MTURN: variants seen among roughly 807,000 people sequenced by gnomAD.
The protein encoded by MTURN is maturin, neural progenitor differentiation regulator homolog.
MTURN carries 7 observed loss-of-function variants against 14.9 expected under a neutral mutation model. That is an observed-to-expected ratio of 0.47 (90% CI 0.27 to 0.88). MTURN has a LOEUF of 0.88. Among genes scored for constraint, MTURN ranks in the 40% least tolerant of loss-of-function variants. MTURN has a pLI of 0.14. For synonymous variants in MTURN, 69 were observed against 72.5 expected (o/e 0.95, Z 0.25); for missense variants, 151 against 174.1 (o/e 0.87, Z 0.75).
Position 30,155,908 on chromosome 7 carries a change from A to G in MTURN, c.286-1530A>G, listed in dbSNP as rs958861854. Among the ~76,000 whole-genome samples the G allele has an allele frequency of 2.4e-4, 36 of 152,192 alleles. 1 individual carries two copies. Among genetic ancestry groups the G allele is most frequent in the Non-Finnish European group, 1.0e-4 (7 of 68,030 alleles). On this transcript the variant is annotated intron_variant, in intron 2 of 2. Coordinates refer to ENST00000324453, the MANE Select transcript of MTURN (RefSeq NM_152793.3). Reference sequence around the variant, plus strand: ...GGCAGGACACCAGGGAGGCAATGCAATTGAACAGAATGGTCAGTCTTCTTT... The same window carrying G: ...GGCAGGACACCAGGGAGGCAATGCAGTTGAACAGAATGGTCAGTCTTCTTT...
rs2128034583 is a variant in MTURN, at chr7:30,157,802, T to A, written c.*254T>A. The stretch of plus-strand genomic sequence containing the variant: ...TCTTGGTAGCCTTTGCCATTTTGAA[T>A]TTAGAGTCCATTTTGTGGCTGACTA... On this transcript the variant is annotated 3_prime_UTR_variant, in exon 3 of 3. Coordinates refer to ENST00000324453, the MANE Select transcript of MTURN (RefSeq NM_152793.3). 4.3e-6 allele frequency: 1 copy of A among 233,954 alleles called. No individual in the cohort carries two copies. Among genetic ancestry groups the A allele is most frequent in the Middle Eastern group, 1.3e-3 (1 of 772 alleles). The allele number at this position is 233,954 out of a possible 1,614,324, so 14.5% of individuals were successfully genotyped here. A position where few individuals can be genotyped will look rare whatever the true frequency, so the allele number is the denominator to read the frequency against.
rs1213919021 is a variant in MTURN, at chr7:30,158,923, A to C, written c.*1375A>C. The stretch of plus-strand genomic sequence containing the variant: ...TGCCTGTTAGGTTGTGAAAGTTTTG[A>C]ATTAAAAACAAGCAGTAGCAGCAGA... On this transcript the variant is annotated 3_prime_UTR_variant, in exon 3 of 3. Transcript: ENST00000324453. 1 of 152,132 alleles carries C rather than the reference A, an allele frequency of 6.6e-6. No homozygotes were observed. The highest frequency in any genetic ancestry group is 2.4e-5 in the African/African-American group (1 of 41,408). 9.4% of individuals were successfully genotyped at this position (152,132 alleles called of 1,614,324 possible). A position where few individuals can be genotyped will look rare whatever the true frequency, so the allele number is the denominator to read the frequency against.
At chr7:30,136,412 G>C (rs920462260) in intron 1 of MTURN, among the ~76,000 whole-genome samples, 2 of 152,204 alleles carry the variant, frequency 1.3e-5, no homozygotes, top group Non-Finnish European at 2.9e-5. Context: ...CCGTGGGCGC[G>C]GGTGACCGTG....
intron 1 of MTURN, chr7:30,137,474 A>G (rs1382986753): frequency 5.0e-6 from 2 of 399,066 alleles, no homozygotes; most frequent in Non-Finnish European, 1.0e-5. Flanking sequence ...TCTTGAGGCC[A>G]CCCAGATTTT....
intron 2 of MTURN, among the ~76,000 whole-genome samples, chr7:30,149,828 G>A (rs903460350): frequency 3.3e-5 from 5 of 152,092 alleles, no homozygotes; most frequent in Non-Finnish European, 4.4e-5. Context: ...TTTGTTTATC[G>A]TGGGCCAGCC....
intron 2 of MTURN, among the ~76,000 whole-genome samples, chr7:30,153,630 C>CACG (rs1191508597): frequency 6.6e-6 from 1 of 152,188 alleles, no homozygotes; most frequent in East Asian, 1.9e-4. Context: ...AAGTGTCCAA[C>CACG]ACAAGGTCAT....
At chr7:30,146,873 A>G (rs952045637) in intron 2 of MTURN, among the ~76,000 whole-genome samples, 1 of 152,178 alleles carries the variant, frequency 6.6e-6, no homozygotes, top group African/African-American at 2.4e-5. Flanking sequence ...TTTTCATTCT[A>G]GCTGATAAAC....
chr7:30,145,401 G>A (rs1797114940), intron 1 of MTURN, among the ~76,000 whole-genome samples: 1 of 152,108 alleles, frequency 6.6e-6, no homozygotes, highest in South Asian at 2.1e-4. Flanking sequence ...GGCCAAGATG[G>A]GAGGGTCACT....
intron 2 of MTURN, among the ~76,000 whole-genome samples, chr7:30,154,293 C>T (rs570349302): frequency 7.9e-5 from 12 of 152,278 alleles, no homozygotes; most frequent in African/African-American, 2.4e-4. Context: ...AACACCCTCC[C>T]GCTAATGACC....
intron 1 of MTURN, among the ~76,000 whole-genome samples, chr7:30,138,113 T>A (rs1796993522): frequency 6.6e-6 from 1 of 151,664 alleles, no homozygotes; most frequent in Non-Finnish European, 1.5e-5. Flanking sequence ...TATGCCATAC[T>A]TTTTTTTTCT....
rs1796923492 is a variant in MTURN at position 30,135,135 on chromosome 7, C to G, written c.-2C>G. On this transcript the variant is annotated 5_prime_UTR_variant, in exon 1 of 3. Transcript: ENST00000324453. ...GCGGCGGGAGGCGGGCGCGGGGCCGCGATGGATTTCCAGCAGCTGGCCGAC... is the reference window on the plus strand; with the variant it reads ...GCGGCGGGAGGCGGGCGCGGGGCCGGGATGGATTTCCAGCAGCTGGCCGAC... 1 of 1,445,940 alleles carries G rather than the reference C, an allele frequency of 6.9e-7. No homozygotes were observed. Among genetic ancestry groups the G allele is most frequent in the Non-Finnish European group, 9.2e-7 (1 of 1,090,364 alleles). The allele number at this position is 1,445,940 out of a possible 1,614,324, so 89.6% of individuals were successfully genotyped here. A position where few individuals can be genotyped will look rare whatever the true frequency, so the allele number is the denominator to read the frequency against.
chr7:30,153,705 C>T (rs1359992467), intron 2 of MTURN, among the ~76,000 whole-genome samples: 1 of 150,842 alleles, frequency 6.6e-6, no homozygotes, highest in Admixed American at 6.6e-5. Context: ...TGTGCCAAAC[C>T]CCCTTTTTAT....
chr7:30,141,403 A>C (rs1462882888), intron 1 of MTURN: 1 of 145,820 alleles, frequency 6.9e-6, no homozygotes, highest in Non-Finnish European at 1.5e-5. Context: ...CGACAGAGCA[A>C]GACTCCGTCT....
At chr7:30,135,847 T>A (rs1195998335) in intron 1 of MTURN, among the ~76,000 whole-genome samples, 5 of 152,212 alleles carry the variant, frequency 3.3e-5, no homozygotes, top group South Asian at 4.1e-4. Context: ...CGCGGGTTAG[T>A]CCTTGCACTG....
Position 30,146,692 on chromosome 7 carries a change from G to A in MTURN, c.285+393G>A, listed in dbSNP as rs527761553. ...TATATTTGGGGATTGCTGGGAAGCT[G>A]TATACAGGTTATATTAATACCTCCA... On this transcript the variant is annotated intron_variant, in intron 2 of 2. Coordinates refer to ENST00000324453, the MANE Select transcript of MTURN (RefSeq NM_152793.3). Among the ~76,000 whole-genome samples, 36 of 152,312 alleles carry A rather than the reference G, an allele frequency of 2.4e-4. 1 individual carries two copies. In the South Asian group the frequency reaches 6.6e-3, roughly 28 times the overall value.
intron 2 of MTURN, among the ~76,000 whole-genome samples, chr7:30,153,758 C>G (rs1275851748): frequency 6.6e-6 from 1 of 152,148 alleles, no homozygotes; most frequent in African/African-American, 2.4e-5. Context: ...TGCTGTGTCA[C>G]CCAGGCTGGA....
chr7:30,139,550 C>T (rs1797017243), intron 1 of MTURN, among the ~76,000 whole-genome samples: 1 of 152,098 alleles, frequency 6.6e-6, no homozygotes, highest in East Asian at 1.9e-4. Flanking sequence ...ATTATTATTC[C>T]CACTTTATAG....
At chr7:30,135,750 C>A (rs1042109968) in intron 1 of MTURN, among the ~76,000 whole-genome samples, 2 of 152,204 alleles carry the variant, frequency 1.3e-5, no homozygotes, top group Non-Finnish European at 2.9e-5. Context: ...CCAGGCGTCC[C>A]GTCCGGGATA....
chr7:30,143,211 T>C (rs778298982), intron 1 of MTURN, among the ~76,000 whole-genome samples: 2 of 152,148 alleles, frequency 1.3e-5, no homozygotes, highest in Admixed American at 6.6e-5. Context: ...CCTCGTGAGA[T>C]TGATAGTGCC....
Sources: allele counts gnomAD v4.1 joint callset (sites outside exome capture counted in the v4.1 genomes callset), GRCh38; gene constraint gnomAD v4.1.1; transcripts MANE v1.5; gene names NCBI Gene and HGNC (gene_info 2026-07-23, HGNC 2026-07-21).